The following CCNY variants were observed in gnomAD, a reference collection of about 807,000 sequenced individuals.
CCNY encodes the protein cyclin-Y.
A neutral mutation model predicts 42.8 loss-of-function variants in CCNY; 19 were observed. That is an observed-to-expected ratio of 0.44 (90% CI 0.31 to 0.65). CCNY has a LOEUF of 0.65. Ranked by LOEUF, CCNY falls within the 30% of genes least tolerant of loss-of-function variation. The pLI is 0.07. For synonymous variants in CCNY, 165 were observed against 162.7 expected (o/e 1.01, Z -0.11); for missense variants, 370 against 437.3 (o/e 0.85, Z 1.37).
intron 1 of CCNY, among the ~76,000 whole-genome samples, chr10:35,431,489 CTGTG>C (rs1171479185): frequency 7.0e-6 from 1 of 143,658 alleles, no homozygotes; most frequent in Non-Finnish European, 1.5e-5. Flanking sequence ...TCACACCACT[CTGTG>C]TGTGGTGGTG....
At chr10:35,457,620 G>A (rs1839065581) in intron 1 of CCNY, among the ~76,000 whole-genome samples, 2 of 150,518 alleles carry the variant, frequency 1.3e-5, no homozygotes, top group African/African-American at 4.9e-5. Context: ...TCACTCTGTC[G>A]CCCAAGCTGG....
intron 3 of CCNY, among the ~76,000 whole-genome samples, chr10:35,272,639 A>G (rs1835184996): frequency 6.6e-6 from 1 of 152,170 alleles, no homozygotes; most frequent in Non-Finnish European, 1.5e-5. Context: ...CATGGTGTAT[A>G]TGTACCACAT....
At chr10:35,279,099 A>G (rs1383117051) in intron 3 of CCNY, among the ~76,000 whole-genome samples, 1 of 150,276 alleles carries the variant, frequency 6.7e-6, no homozygotes, top group Non-Finnish European at 1.5e-5. Context: ...AGCACCAGTC[A>G]AGCTTTCAAT....
chr10:35,327,428 T>C lies in CCNY; in HGVS notation c.-9+76802T>C, dbSNP rs138461345. ...GCATTTAGGTTGCATTGTTTTTCACTATTATAAATTAAATGGCAATTTTTA... is the reference window on the plus strand; with the variant it reads ...GCATTTAGGTTGCATTGTTTTTCACCATTATAAATTAAATGGCAATTTTTA... On this transcript the variant is annotated intron_variant, in intron 3 of 11. Coordinates refer to the CCNY transcript ENST00000374706. Among the ~76,000 whole-genome samples the C allele has an allele frequency of 1.2e-3, 176 of 152,354 alleles. 3 individuals are homozygous for C. The East Asian group carries it at 0.031, about 27-fold the overall frequency.
chr10:35,453,198 A>C (rs1263886175), intron 1 of CCNY, among the ~76,000 whole-genome samples: 1 of 152,166 alleles, frequency 6.6e-6, no homozygotes, highest in East Asian at 1.9e-4. Flanking sequence ...TGGTCTCCCA[A>C]AGTGCTGGGA....
intron 1 of CCNY, among the ~76,000 whole-genome samples, chr10:35,354,611 T>C (rs543001386): frequency 6.6e-6 from 1 of 152,342 alleles, no homozygotes. Context: ...AGGAGATACA[T>C]TGGGGCCCAT....
At position 35,483,444 on chromosome 10, in the gene CCNY, C is replaced by T. The variant is rs377365661; in HGVS notation, c.195C>T (p.Ala65=). 1 of 1,609,070 alleles carries T rather than the reference C, an allele frequency of 6.2e-7. No homozygotes were observed. The highest frequency in any genetic ancestry group is 2.2e-5 in the East Asian group (1 of 44,710). ...TCAATCCTTCAGATCATCCTCGGGC[C>T]AGCACAATATTCCTCAGTAAATCTC... is the stretch of plus-strand genomic sequence containing the variant. ...MEFNPSDHPR[A]STIFLSKSQT... The change falls in exon 2 of 10, where the codon GCC becomes GCT. Residue 65 remains alanine, a synonymous_variant. Coordinates refer to ENST00000374704, the MANE Select transcript of CCNY (RefSeq NM_145012.6).
intron 2 of CCNY, among the ~76,000 whole-genome samples, chr10:35,497,128 T>C (rs1202516850): frequency 2.0e-5 from 3 of 152,230 alleles, no homozygotes; most frequent in Non-Finnish European, 4.4e-5. Flanking sequence ...TTATGATCCA[T>C]ATCAATTTAT....
At chr10:35,251,481 T>G (rs1299089840) in intron 3 of CCNY, among the ~76,000 whole-genome samples, 1 of 152,184 alleles carries the variant, frequency 6.6e-6, no homozygotes, top group Non-Finnish European at 1.5e-5. Flanking sequence ...TGCACTTTTA[T>G]TTTTGATTAA....
At chr10:35,296,542 C>T (rs1281821942) in intron 3 of CCNY, among the ~76,000 whole-genome samples, 2 of 152,044 alleles carry the variant, frequency 1.3e-5, no homozygotes, top group African/African-American at 2.4e-5. Context: ...GATCACGTCA[C>T]AGCACTCCGG....
intron 1 of CCNY, among the ~76,000 whole-genome samples, chr10:35,344,323 C>T (rs1171232541): frequency 6.6e-6 from 1 of 152,150 alleles, no homozygotes; most frequent in African/African-American, 2.4e-5. Context: ...AGATGAGGTT[C>T]TACTTTTACT....
At chr10:35,564,842 T>C (rs934210021) in intron 8 of CCNY, among the ~76,000 whole-genome samples, 1 of 152,218 alleles carries the variant, frequency 6.6e-6, no homozygotes, top group African/African-American at 2.4e-5. Flanking sequence ...TCTGAGATCA[T>C]GTGCTGGGGG....
At chr10:35,496,806 G>A (rs1382448947) in intron 2 of CCNY, among the ~76,000 whole-genome samples, 1 of 152,340 alleles carries the variant, frequency 6.6e-6, no homozygotes, top group Non-Finnish European at 1.5e-5. Flanking sequence ...GTTGAAAGTT[G>A]TATTTTAAAG....
At chr10:35,400,577 T>C (rs995927233) in intron 1 of CCNY, among the ~76,000 whole-genome samples, 12 of 152,236 alleles carry the variant, frequency 7.9e-5, no homozygotes, top group Non-Finnish European at 1.6e-4. Context: ...ACCTCTTCTC[T>C]AACCTCCCAA....
intron 3 of CCNY, among the ~76,000 whole-genome samples, chr10:35,270,728 C>CA (rs1835154034): frequency 8.0e-6 from 1 of 124,734 alleles, no homozygotes; most frequent in Admixed American, 8.8e-5. Flanking sequence ...TTTTTTTTTT[C>CA]TTTTTTTTTT....
intron 5 of CCNY, among the ~76,000 whole-genome samples, chr10:35,529,037 G>T (rs777075131): frequency 6.6e-6 from 1 of 152,160 alleles, no homozygotes; most frequent in Non-Finnish European, 1.5e-5. Flanking sequence ...GCTGTCACTC[G>T]TGAGGTACGG....
intron 1 of CCNY, among the ~76,000 whole-genome samples, chr10:35,398,747 A>G (rs1198324355): frequency 1.3e-5 from 2 of 152,258 alleles, no homozygotes. Flanking sequence ...CCAGTTAAGT[A>G]AATTTGCAGA....
chr10:35,367,512 A>T (rs1236955084), intron 1 of CCNY, among the ~76,000 whole-genome samples: 1 of 152,248 alleles, frequency 6.6e-6, no homozygotes, highest in Non-Finnish European at 1.5e-5. Flanking sequence ...TTCTTGTGAG[A>T]TAACATGGGT....
chr10:35,475,272 C>T (rs1264874648), intron 1 of CCNY, among the ~76,000 whole-genome samples: 4 of 152,068 alleles, frequency 2.6e-5, no homozygotes, highest in Admixed American at 2.0e-4. Flanking sequence ...CATTCAGATT[C>T]AGGAAATACA....
Sources: gnomAD v4.1 joint callset for allele counts (sites outside exome capture counted in the v4.1 genomes callset) on GRCh38, gnomAD v4.1.1 for gene constraint, MANE v1.5 for transcripts, NCBI Gene and HGNC (gene_info 2026-07-23, HGNC 2026-07-21) for gene names.